Variants in LRRC37A2 observed in about 807,000 individuals in gnomAD.
The protein encoded by LRRC37A2 is leucine rich repeat containing 37 member A2, also known as leucine-rich repeat-containing protein 37A2.
A neutral mutation model predicts 68.8 loss-of-function variants in LRRC37A2; 9 were observed. That is an observed-to-expected ratio of 0.13 (90% CI 0.08 to 0.23). The LOEUF is 0.23. Among genes scored for constraint, LRRC37A2 ranks in the 10% least tolerant of loss-of-function variants. The pLI is 1.00. For synonymous variants in LRRC37A2, 63 were observed against 367.6 expected (o/e 0.17, Z 9.48); for missense variants, 168 against 950.4 (o/e 0.18, Z 10.82).
chr17:46,999,242 G>A, the LRRC37A2 span, among the ~76,000 whole-genome samples: 256 of 152,328 alleles, frequency 1.7e-3, 1 homozygote, highest in South Asian at 4.1e-3. Context: ...GACTTTGGGC[G>A]TTTCTTAACC....
chr17:46,937,345 G>A, the LRRC37A2 span: 1 of 152,160 alleles, frequency 6.6e-6, no homozygotes, highest in Admixed American at 6.5e-5. Context: ...AAATAGGTTG[G>A]TATCAATGAT....
the LRRC37A2 span, among the ~76,000 whole-genome samples, chr17:46,743,737 C>G: frequency 6.6e-6 from 1 of 152,212 alleles, no homozygotes; most frequent in Non-Finnish European, 1.5e-5. Context: ...CCTCACAGGC[C>G]CCTAAGAGGT....
the LRRC37A2 span, chr17:46,931,931 G>A: frequency 2.2e-5 from 17 of 774,052 alleles, no homozygotes; most frequent in Admixed American, 7.3e-5. Flanking sequence ...ATTAGATCTT[G>A]TGGTGAGGGG....
chr17:46,898,672 G>A, the LRRC37A2 span, among the ~76,000 whole-genome samples: 1 of 152,184 alleles, frequency 6.6e-6, no homozygotes, highest in African/African-American at 2.4e-5. Context: ...GGGAATCCTC[G>A]AGTTTCCAGT....
At chr17:46,932,156 A>G in the LRRC37A2 span, 6 of 1,614,176 alleles carry the variant, frequency 3.7e-6, no homozygotes, top group Non-Finnish European at 5.1e-6. Flanking sequence ...GAGCAGCAGG[A>G]GAGACAGCGA....
the LRRC37A2 span, chr17:46,940,541 G>C: frequency 2.5e-6 from 4 of 1,614,126 alleles, no homozygotes; most frequent in Non-Finnish European, 3.4e-6. Flanking sequence ...CGGCAAGGCT[G>C]TCCTGTCCCC....
At chr17:46,828,228 A>C in the LRRC37A2 span, among the ~76,000 whole-genome samples, 2 of 149,770 alleles carry the variant, frequency 1.3e-5, no homozygotes, top group African/African-American at 2.5e-5. Flanking sequence ...ACAGCGTCTC[A>C]CTCTGTCACT....
chr17:46,773,925 G>T, the LRRC37A2 span: 132 of 1,609,650 alleles, frequency 8.2e-5, 1 homozygote, highest in African/African-American at 1.6e-3. Context: ...GGCAGACAGA[G>T]GGTAGTAACA....
At chr17:46,820,066 G>A in the LRRC37A2 span, among the ~76,000 whole-genome samples, 1 of 152,254 alleles carries the variant, frequency 6.6e-6, no homozygotes, top group Non-Finnish European at 1.5e-5. Flanking sequence ...AACGGCGGGC[G>A]TTCCACGAGG....
chr17:46,871,891 A>G, the LRRC37A2 span, among the ~76,000 whole-genome samples: 1 of 152,046 alleles, frequency 6.6e-6, no homozygotes, highest in Admixed American at 6.6e-5. Flanking sequence ...TGTACCAGGC[A>G]CCAGGTGGTC....
At chr17:46,999,397 C>T in the LRRC37A2 span, among the ~76,000 whole-genome samples, 1 of 151,854 alleles carries the variant, frequency 6.6e-6, no homozygotes, top group South Asian at 2.1e-4. Context: ...CCCTCTCATA[C>T]CCAGGATGTA....
At chr17:46,907,550 C>CT in the LRRC37A2 span, among the ~76,000 whole-genome samples, 169 of 143,014 alleles carry the variant, frequency 1.2e-3, no homozygotes, top group Middle Eastern at 7.2e-3. Context: ...GCTCCCTTAA[C>CT]TTTTTTTTTT....
At chr17:46,770,383 C>G in the LRRC37A2 span, among the ~76,000 whole-genome samples, 9 of 152,226 alleles carry the variant, frequency 5.9e-5, no homozygotes, top group African/African-American at 1.9e-4. Context: ...CACTTCTGTC[C>G]TGGTCCCACA....
the LRRC37A2 span, among the ~76,000 whole-genome samples, chr17:46,907,259 G>C: frequency 6.6e-6 from 1 of 152,158 alleles, no homozygotes; most frequent in Non-Finnish European, 1.5e-5. Flanking sequence ...GGGCTCTTCC[G>C]GGCCCAGCTC....
the LRRC37A2 span, among the ~76,000 whole-genome samples, chr17:46,719,074 A>G: frequency 1.3e-5 from 2 of 152,180 alleles, no homozygotes; most frequent in African/African-American, 2.4e-5. The surrounding 1 kb of genome is among the most constrained non-coding windows in gnomAD (Gnocchi z 4.3). Context: ...TGGGATTCTC[A>G]CCCGTACTTG....
At chr17:47,040,520 C>A in the LRRC37A2 span, among the ~76,000 whole-genome samples, 75 of 146,140 alleles carry the variant, frequency 5.1e-4, no homozygotes, top group African/African-American at 1.8e-3. Flanking sequence ...TATTTAGTGA[C>A]TTTTCTGAAC....
chr17:46,857,575 T>C, the LRRC37A2 span, among the ~76,000 whole-genome samples: 32 of 151,066 alleles, frequency 2.1e-4, no homozygotes, highest in African/African-American at 7.5e-4. Context: ...TTTTTGTGGG[T>C]GTATGTTTTC....
At chr17:46,781,143 G>T in the LRRC37A2 span, among the ~76,000 whole-genome samples, 1 of 151,666 alleles carries the variant, frequency 6.6e-6, no homozygotes, top group Non-Finnish European at 1.5e-5. Context: ...CAGGAGTATT[G>T]CTTGAACCTG....
At chr17:46,421,223 G>A in the LRRC37A2 span, among the ~76,000 whole-genome samples, 1 of 39,478 alleles carries the variant, frequency 2.5e-5, no homozygotes, top group African/African-American at 8.5e-5. Flanking sequence ...GAGCCATCAC[G>A]CCTGGCCAAA....
Sources: gnomAD v4.1 joint callset for allele counts (sites outside exome capture counted in the v4.1 genomes callset) on GRCh38, gnomAD v4.1.1 for gene constraint, Gnocchi (gnomAD v3.1) non-coding constraint, MANE v1.5 for transcripts, NCBI Gene and HGNC (gene_info 2026-07-23, HGNC 2026-07-21) for gene names.